The following AGBL4 variants were observed in gnomAD, a reference collection of about 807,000 sequenced individuals.
The protein encoded by AGBL4 is AGBL carboxypeptidase 4, also known as cytosolic carboxypeptidase 6.
AGBL4 carries 58 observed loss-of-function variants against 66.4 expected under a neutral mutation model. That is an observed-to-expected ratio of 0.87 (90% CI 0.71 to 1.09). AGBL4 has a LOEUF of 1.09. AGBL4 is among the 50% of genes least tolerant of loss of function. AGBL4 has a pLI of 0.00. For missense variants in AGBL4, 579 were observed against 631.0 expected (o/e 0.92, Z 0.88); for synonymous variants, 234 against 222.9 (o/e 1.05, Z -0.44).
At chr1:49,880,996 C>T (rs1239181508) in intron 1 of AGBL4, among the ~76,000 whole-genome samples, 1 of 152,138 alleles carries the variant, frequency 6.6e-6, no homozygotes, top group Non-Finnish European at 1.5e-5. Flanking sequence ...CCAGGTGAGG[C>T]AATGCCTTGC....
chr1:49,598,692 C>A (rs2124140572), intron 3 of AGBL4, among the ~76,000 whole-genome samples: 1 of 152,244 alleles, frequency 6.6e-6, no homozygotes, highest in Admixed American at 6.5e-5. Context: ...AGGAGGCAGT[C>A]TGCCCATTCT....
intron 6 of AGBL4, among the ~76,000 whole-genome samples, chr1:48,836,316 A>AG (rs1332483106): frequency 1.4e-5 from 2 of 147,220 alleles, no homozygotes; most frequent in Non-Finnish European, 3.0e-5. Context: ...AAAAAAAAAA[A>AG]GTAGGAATCT....
At chr1:49,566,834 G>A in intron 3 of AGBL4, among the ~76,000 whole-genome samples, 1 of 152,316 alleles carries the variant, frequency 6.6e-6, no homozygotes, top group East Asian at 1.9e-4. Context: ...TGTCAGACAG[G>A]GACATTTTAG....
chr1:49,878,253 G>C (rs1477212595), intron 1 of AGBL4, among the ~76,000 whole-genome samples: 4 of 149,252 alleles, frequency 2.7e-5, no homozygotes, highest in Non-Finnish European at 5.9e-5. Context: ...TGTGATCTTA[G>C]GGTGTCAATT....
chr1:49,339,710 A>G (rs1024806611), intron 3 of AGBL4, among the ~76,000 whole-genome samples: 4 of 152,200 alleles, frequency 2.6e-5, no homozygotes, highest in Non-Finnish European at 2.9e-5. Context: ...GGGCTTCTCT[A>G]TAACATTTTT....
chr1:49,544,139 C>T (rs1391498666), intron 3 of AGBL4, among the ~76,000 whole-genome samples: 1 of 152,148 alleles, frequency 6.6e-6, no homozygotes, highest in Non-Finnish European at 1.5e-5. Flanking sequence ...CAGGAATGCC[C>T]TGCTTTAGGA....
At chr1:50,012,434 G>A (rs575269117) in intron 1 of AGBL4, among the ~76,000 whole-genome samples, 69 of 151,974 alleles carry the variant, frequency 4.5e-4, no homozygotes, top group East Asian at 3.5e-3. Context: ...CATTGCATGC[G>A]TATATCAAAA....
chr1:48,590,911 G>C lies in AGBL4; in HGVS notation c.1026C>G (p.Ile342Met), dbSNP rs1026598780. ...TCTGGAACCGTTCCTCATCCTCAAA[G>C]ATGTTGCCATACATGAAGCCATTCA... is the stretch of plus-strand genomic sequence containing the variant. Reference protein sequence around the residue: ...TMMNGFMYGNIFEDEERFQRQ... With the variant: ...TMMNGFMYGNMFEDEERFQRQ... Residue 342 changes from isoleucine to methionine, a missense_variant, in exon 10 of 14, where the codon ATC (isoleucine) becomes ATG (methionine). Transcript: ENST00000371839. 2 of 1,610,144 alleles carry C rather than the reference G, an allele frequency of 1.2e-6. No individual in the cohort carries two copies. The highest frequency in any genetic ancestry group is 4.5e-5 in the East Asian group (2 of 44,816).
chr1:48,558,002 A>G (rs906861844), intron 11 of AGBL4, among the ~76,000 whole-genome samples: 9 of 152,194 alleles, frequency 5.9e-5, no homozygotes, highest in African/African-American at 2.2e-4. Context: ...TGTGGAAAGA[A>G]AAAGTAAAGG....
chr1:48,634,544 A>G lies in AGBL4; in HGVS notation c.900T>C (p.His300=). 6.2e-7 allele frequency: 1 copy of G among 1,607,044 alleles called. No homozygotes were observed. Among genetic ancestry groups the G allele is most frequent in the South Asian group, 1.1e-5 (1 of 89,182 alleles). ...GTTGTTTCACTCCATGCAGGGTAGG[A>G]TGGACCCATGGAGAGGGATCCAGCC... ...RHWLDPSPWV[H]PTLHGVKQLI... The change falls in exon 9 of 14, where the codon CAT becomes CAC. Residue 300 remains histidine (H), a synonymous_variant. Coordinates refer to ENST00000371839, the MANE Select transcript of AGBL4 (RefSeq NM_032785.4).
At chr1:48,889,993 T>A (rs199681178) in intron 5 of AGBL4, among the ~76,000 whole-genome samples, 1 of 71,626 alleles carries the variant, frequency 1.4e-5, no homozygotes, top group Non-Finnish European at 2.9e-5. Context: ...TGCTTGCGTG[T>A]GTGTGTGTGT....
intron 3 of AGBL4, among the ~76,000 whole-genome samples, chr1:49,454,074 C>T (rs1455856862): frequency 2.6e-5 from 4 of 151,734 alleles, no homozygotes; most frequent in Non-Finnish European, 5.9e-5. Context: ...TCCTAAAATG[C>T]AGGTTTCTTG....
At chr1:49,037,952 A>G (rs981940516) in intron 5 of AGBL4, among the ~76,000 whole-genome samples, 1 of 152,096 alleles carries the variant, frequency 6.6e-6, no homozygotes, top group Non-Finnish European at 1.5e-5. Flanking sequence ...TATGTAGACA[A>G]ATTACTTAAT....
intron 1 of AGBL4, among the ~76,000 whole-genome samples, chr1:49,869,495 C>T (rs1646786101): frequency 6.6e-6 from 1 of 152,142 alleles, no homozygotes; most frequent in African/African-American, 2.4e-5. Context: ...CATGCAGAAA[C>T]AGAAAACTAA....
chr1:49,771,560 TATG>T (rs973168507), intron 2 of AGBL4, among the ~76,000 whole-genome samples: 2 of 152,126 alleles, frequency 1.3e-5, no homozygotes, highest in African/African-American at 4.8e-5. Flanking sequence ...AATCTTCTGT[TATG>T]ATGCTCTTTC....
chr1:49,018,137 C>T (rs879506871), intron 5 of AGBL4, among the ~76,000 whole-genome samples: 18 of 152,194 alleles, frequency 1.2e-4, no homozygotes, highest in Admixed American at 8.5e-4. Context: ...GCCTTTGATT[C>T]TGCAGGCACT....
intron 8 of AGBL4, among the ~76,000 whole-genome samples, chr1:48,645,847 C>T (rs953952960): frequency 5.9e-5 from 9 of 151,980 alleles, no homozygotes; most frequent in Non-Finnish European, 1.0e-4. Flanking sequence ...ATCTGGAGCA[C>T]GTTCAGAGGA....
In AGBL4 at chr1:48,846,413, G is replaced by C. The variant is rs12118225; in HGVS notation, c.634+20778C>G. On this transcript the variant is annotated intron_variant, in intron 6 of 13. Transcript: ENST00000371839. Reference sequence around the variant, plus strand: ...AGAAAGAAAGAAAGAAAGAAAGAAAGAAAGAAAGAAATTCATTTATAGTAG... The same window carrying C: ...AGAAAGAAAGAAAGAAAGAAAGAAACAAAGAAAGAAATTCATTTATAGTAG... Among the ~76,000 whole-genome samples, 4 of 144,980 alleles carry C rather than the reference G, an allele frequency of 2.8e-5. No individual in the cohort carries two copies. In the East Asian group the frequency reaches 7.9e-4, roughly 29 times the overall value.
intron 3 of AGBL4, among the ~76,000 whole-genome samples, chr1:49,314,143 G>C (rs1644994451): frequency 1.3e-5 from 2 of 152,112 alleles, no homozygotes; most frequent in Non-Finnish European, 2.9e-5. Flanking sequence ...CCCACTGCTT[G>C]TTTTTGTCAG....
Sources: gnomAD v4.1 joint callset for allele counts (sites outside exome capture counted in the v4.1 genomes callset) on GRCh38, gnomAD v4.1.1 for gene constraint, MANE v1.5 for transcripts, NCBI Gene and HGNC (gene_info 2026-07-23, HGNC 2026-07-21) for gene names.